TFAP2A: variants seen among roughly 807,000 people sequenced by gnomAD.
The protein encoded by TFAP2A is transcription factor AP-2-alpha.
In TFAP2A, 7 loss-of-function variants were observed where a neutral mutation model predicts 41.5. That is an observed-to-expected ratio of 0.17 (90% CI 0.10 to 0.32). The LOEUF is 0.32. TFAP2A is among the 10% of genes least tolerant of loss of function. The pLI, the probability that TFAP2A is intolerant of heterozygous loss-of-function variation, is 1.00. For synonymous variants in TFAP2A, 247 were observed against 242.8 expected (o/e 1.02, Z -0.16); for missense variants, 416 against 563.3 (o/e 0.74, Z 2.65).
chr6:10,404,560 G>A lies in TFAP2A; in HGVS notation c.718C>T (p.Leu240Phe). The A allele has an allele frequency of 6.2e-7, 1 of 1,613,866 alleles. No homozygotes were observed. Among genetic ancestry groups the A allele is most frequent in the South Asian group, 1.1e-5 (1 of 91,050 alleles). ...KVTVAEVQRR[L>F]SPPECLNASL... ...GCGTTGAGACACTCGGGTGGTGAGA[G>A]CCGCCGCTGCACTTCCGCCACCGTG... The change falls in exon 4 of 7, where the codon CTC becomes TTC. Residue 240 changes from leucine to phenylalanine, a missense_variant. Physicochemically the swap from Leu to Phe is conservative, Grantham distance 22. Transcript: ENST00000379613.
At chr6:10,402,157 G>C (rs1260550211) in intron 5 of TFAP2A, 2 of 385,424 alleles carry the variant, frequency 5.2e-6, no homozygotes, top group South Asian at 4.1e-5. Context: ...CTCAAACGCA[G>C]ATGTCAGAAT....
rs118042860 is a variant in TFAP2A, at chr6:10,398,120, C to T, written c.*297G>A. ...GGTTCACAAACTTGGCAGAACTTTTCTCTGCTGGCTTCACGGCCTGTTCTG... is the reference window on the plus strand; with the variant it reads ...GGTTCACAAACTTGGCAGAACTTTTTTCTGCTGGCTTCACGGCCTGTTCTG... On this transcript the variant is annotated 3_prime_UTR_variant, in exon 7 of 7. Coordinates refer to ENST00000379613, the MANE Select transcript of TFAP2A (RefSeq NM_001372066.1). The surrounding 1 kb of genome is among the most constrained non-coding windows in gnomAD (Gnocchi z 5.3). 5.6e-4 allele frequency: 717 copies of T among 1,280,244 alleles called. 9 individuals are homozygous for T. In the East Asian group the frequency reaches 0.021, roughly 38 times the overall value. 79.3% of individuals were successfully genotyped at this position (1,280,244 alleles called of 1,614,324 possible). A position where few individuals can be genotyped will look rare whatever the true frequency, so the allele number is the denominator to read the frequency against.
chr6:10,399,764 A>C (rs1165591759), intron 6 of TFAP2A, among the ~76,000 whole-genome samples: 10 of 152,204 alleles, frequency 6.6e-5, no homozygotes, highest in Admixed American at 6.5e-4. Context: ...AAACACATCA[A>C]AACAGTCATT....
At chr6:10,400,415 G>A in intron 6 of TFAP2A, 33 bp downstream of exon 6, 1 of 1,614,110 alleles carries the variant, frequency 6.2e-7, no homozygotes, top group Non-Finnish European at 8.5e-7. Context: ...TTGACAACGA[G>A]ACACAGAGAC....
chr6:10,410,301 C>G lies in TFAP2A; in HGVS notation c.86G>C (p.Arg29Pro). 1.2e-6 allele frequency: 2 copies of G among 1,611,858 alleles called. No homozygotes were observed. Among genetic ancestry groups the G allele is most frequent in the Non-Finnish European group, 1.7e-6 (2 of 1,179,400 alleles). Reference protein sequence around the residue: ...RHDGTSNGTARLPQLGTVGQS... With the variant: ...RHDGTSNGTAPLPQLGTVGQS... The stretch of plus-strand genomic sequence containing the variant: ...ACCTACAGTGCCCAGCTGGGGCAAC[C>G]GTGCCGTCCCGTTGCTGGTGCCGTC... Residue 29 changes from arginine (R) to proline (P), a missense_variant, in exon 2 of 7, where the codon CGG becomes CCG. Physicochemically the swap from Arg to Pro is moderately radical, Grantham distance 103. Transcript: ENST00000379613.
At chr6:10,399,896 G>GTCTCTCTCTCTC (rs140854143) in intron 6 of TFAP2A, among the ~76,000 whole-genome samples, 15 of 148,504 alleles carry the variant, frequency 1.0e-4, no homozygotes, top group African/African-American at 2.2e-4. Flanking sequence ...TGGGGTGTGG[G>GTCTCTCTCTCTC]TCTCTCTCTC....
intron 4 of TFAP2A, among the ~76,000 whole-genome samples, chr6:10,404,275 A>G (rs1001565433): frequency 6.6e-6 from 1 of 152,208 alleles, no homozygotes; most frequent in Admixed American, 6.5e-5. Flanking sequence ...AGCGCGCACC[A>G]GAACTCGCTC....
intron 4 of TFAP2A, among the ~76,000 whole-genome samples, chr6:10,404,194 G>T (rs2114012278): frequency 6.6e-6 from 1 of 152,358 alleles, no homozygotes; most frequent in Non-Finnish European, 1.5e-5. Flanking sequence ...TGAGCCCGCG[G>T]CGGAGCGAGC....
upstream of TFAP2A, chr6:10,415,821 CT>C (rs1758221391): frequency 2.0e-5 from 3 of 152,524 alleles, no homozygotes; most frequent in Admixed American, 6.5e-5. Context: ...GTTTTATTGG[CT>C]TTGAGCTTTC....
At chr6:10,400,170 C>G (rs572997805) in intron 6 of TFAP2A, among the ~76,000 whole-genome samples, 80 of 150,980 alleles carry the variant, frequency 5.3e-4, no homozygotes, top group Non-Finnish European at 9.3e-4. Context: ...CCACCCTTAA[C>G]TTCAGTCAAA....
intron 3 of TFAP2A, 52 bp from the exon 4 acceptor site, chr6:10,404,791 A>C: frequency 2.0e-6 from 3 of 1,530,714 alleles, no homozygotes; most frequent in Non-Finnish European, 2.7e-6. Context: ...TCACCCCCAA[A>C]TCCTGCCCGA....
intron 3 of TFAP2A, chr6:10,406,485 T>A (rs909244007): frequency 1.1e-4 from 47 of 441,178 alleles, no homozygotes; most frequent in African/African-American, 8.9e-4. Context: ...GATTAAACTA[T>A]CAAACTGTTT....
At chr6:10,414,552 C>T (rs1387168484) in intron 1 of TFAP2A, 1 of 384,766 alleles carries the variant, frequency 2.6e-6, no homozygotes, top group Non-Finnish European at 4.9e-6. Context: ...AGAGTTTTCT[C>T]TTTCCTTTCT....
At chr6:10,404,946 C>CG in intron 3 of TFAP2A, 1 of 600,162 alleles carries the variant, frequency 1.7e-6, no homozygotes, top group South Asian at 2.0e-5. Flanking sequence ...GGCCGGGAGG[C>CG]GGCCCTGCCC....
At chr6:10,399,924 C>G (rs303049) in intron 6 of TFAP2A, among the ~76,000 whole-genome samples, 30,624 of 148,846 alleles carry the variant, frequency 0.21, 6,746 homozygotes, top group African/African-American at 0.55. Flanking sequence ...CTCTCTCTGT[C>G]TGTGTGTGTG....
At chr6:10,404,324 G>T (rs926227298) in intron 4 of TFAP2A, among the ~76,000 whole-genome samples, 184 bp downstream of exon 4, 2 of 152,160 alleles carry the variant, frequency 1.3e-5, no homozygotes, top group Non-Finnish European at 2.9e-5. Flanking sequence ...GCGCCGCATC[G>T]CCCGCTCCCC....
chr6:10,404,823 G>A, intron 3 of TFAP2A, 84 bp from the exon 4 acceptor site: 1 of 1,294,168 alleles, frequency 7.7e-7, no homozygotes, highest in African/African-American at 1.5e-5. Context: ...ATCCCGGCCA[G>A]GGCCGGATCC....
chr6:10,403,707 C>T (rs1159164080), intron 4 of TFAP2A, among the ~76,000 whole-genome samples: 2 of 152,162 alleles, frequency 1.3e-5, no homozygotes, highest in East Asian at 3.8e-4. Context: ...GAGAAAACTG[C>T]CCTAAGGGAA....
At chr6:10,409,818 C>A (rs1757873356) in intron 2 of TFAP2A, 83 bp downstream of exon 2, 8 of 1,486,296 alleles carry the variant, frequency 5.4e-6, no homozygotes, top group Non-Finnish European at 7.3e-6. Flanking sequence ...CCGGGCCCAC[C>A]GACTGTATGT....
Sources: gnomAD v4.1 joint callset for allele counts (sites outside exome capture counted in the v4.1 genomes callset) on GRCh38, gnomAD v4.1.1 for gene constraint, Gnocchi (gnomAD v3.1) non-coding constraint, MANE v1.5 for transcripts, NCBI Gene and HGNC (gene_info 2026-07-23, HGNC 2026-07-21) for gene names.